COP1: variants seen among roughly 807,000 people sequenced by gnomAD.
COP1 encodes E3 ubiquitin-protein ligase COP1.
In COP1, 24 loss-of-function variants were observed where a neutral mutation model predicts 101.3. The observed-to-expected ratio is 0.24, with a 90% CI of 0.17 to 0.33. The LOEUF (loss-of-function observed/expected upper bound fraction) is 0.33. COP1 is among the 10% of genes least tolerant of loss of function. The pLI, the probability that COP1 is intolerant of heterozygous loss-of-function variation, is 1.00. For synonymous variants in COP1, 347 were observed against 341.9 expected (o/e 1.01, Z -0.17); for missense variants, 663 against 906.2 (o/e 0.73, Z 3.45).
At chr1:176,122,860 C>A (rs1462389291) in intron 8 of COP1, among the ~76,000 whole-genome samples, 2 of 152,100 alleles carry the variant, frequency 1.3e-5, no homozygotes, top group Admixed American at 6.5e-5. Context: ...GGGAAAATTT[C>A]TAAAAGATGG....
intron 3 of COP1, among the ~76,000 whole-genome samples, chr1:176,169,252 C>A (rs111491780): frequency 3.9e-5 from 6 of 152,070 alleles, no homozygotes; most frequent in African/African-American, 1.4e-4. Flanking sequence ...AGAAGGATAC[C>A]ACACACCTTG....
chr1:176,184,704 A>T lies in COP1; in HGVS notation c.408-12T>A. The T allele has an allele frequency of 6.3e-7, 1 of 1,591,710 alleles. No individual in the cohort carries two copies. Among genetic ancestry groups the T allele is most frequent in the Non-Finnish European group, 8.6e-7 (1 of 1,167,828 alleles). On this transcript the variant is annotated splice_polypyrimidine_tract_variant and intron_variant, in intron 1 of 19. Coordinates refer to ENST00000367669, the MANE Select transcript of COP1 (RefSeq NM_022457.7). Reference sequence around the variant, plus strand: ...CAAAGCAGATGGGGCTAAAAAGAAAAGAAAAATAATTGATTTTTTTTTAAA... The same window carrying T: ...CAAAGCAGATGGGGCTAAAAAGAAATGAAAAATAATTGATTTTTTTTTAAA...
At chr1:176,155,116 A>T (rs1693245373) in intron 5 of COP1, among the ~76,000 whole-genome samples, 1 of 151,792 alleles carries the variant, frequency 6.6e-6, no homozygotes, top group Non-Finnish European at 1.5e-5. Context: ...CATTTCAGTT[A>T]AAAAAAATTA....
At chr1:176,128,199 C>G (rs149208922) in intron 8 of COP1, among the ~76,000 whole-genome samples, 3 of 152,032 alleles carry the variant, frequency 2.0e-5, no homozygotes, top group Admixed American at 6.6e-5. Flanking sequence ...GTTTTATACA[C>G]GCTGGCTCAA....
intron 10 of COP1, among the ~76,000 whole-genome samples, chr1:176,085,315 TC>T (rs535364181): frequency 1.2e-3 from 181 of 152,212 alleles, no homozygotes; most frequent in Admixed American, 2.6e-3. Context: ...CTCATGATAC[TC>T]CTGTAAACTT....
intron 18 of COP1, among the ~76,000 whole-genome samples, chr1:175,972,509 G>A (rs1398461594): frequency 6.9e-6 from 1 of 145,238 alleles, no homozygotes; most frequent in Non-Finnish European, 1.5e-5. Context: ...TGTGTTGCCA[G>A]AATGGAGTGC....
chr1:176,095,174 A>C (rs960918336), intron 9 of COP1, among the ~76,000 whole-genome samples: 7 of 152,226 alleles, frequency 4.6e-5, no homozygotes, highest in Non-Finnish European at 1.0e-4. Flanking sequence ...AGTTCAAGGA[A>C]TACATACAAA....
At chr1:176,198,929 C>T (rs542723457) in intron 1 of COP1, among the ~76,000 whole-genome samples, 1 of 152,226 alleles carries the variant, frequency 6.6e-6, no homozygotes, top group South Asian at 2.1e-4. Context: ...AAACACTGAG[C>T]ACTGGCAAGG....
chr1:176,152,896 C>T (rs1299481876), intron 5 of COP1, among the ~76,000 whole-genome samples: 1 of 152,114 alleles, frequency 6.6e-6, no homozygotes, highest in Non-Finnish European at 1.5e-5. Context: ...AATAATTTTT[C>T]TCTAGAACAC....
At chr1:175,979,010 A>G (rs1182949828) in intron 18 of COP1, among the ~76,000 whole-genome samples, 1 of 152,162 alleles carries the variant, frequency 6.6e-6, no homozygotes, top group Non-Finnish European at 1.5e-5. Flanking sequence ...TTAGGTATTC[A>G]TAATTATAAC....
intron 9 of COP1, among the ~76,000 whole-genome samples, chr1:176,095,650 G>A (rs1267284110): frequency 6.7e-6 from 1 of 150,000 alleles, no homozygotes; most frequent in East Asian, 2.0e-4. Context: ...CAGCACTCCC[G>A]CCTGGGTGAG....
chr1:176,047,563 T>A (rs1381374285), intron 11 of COP1, among the ~76,000 whole-genome samples: 2 of 152,250 alleles, frequency 1.3e-5, no homozygotes, highest in Non-Finnish European at 2.9e-5. Context: ...TGTGTATGAA[T>A]GTATCTTCAA....
In COP1 at chr1:176,113,047, T is replaced by A. The variant is rs144461120; in HGVS notation, c.1026+3577A>T. Among the ~76,000 whole-genome samples the A allele has an allele frequency of 2.6e-3, 398 of 152,262 alleles. 3 individuals are homozygous for A. Among genetic ancestry groups the A allele is most frequent in the African/African-American group, 9.1e-3 (380 of 41,556 alleles). ...ACATGGGAGTGCAGGTATCTCTTCCTTTCTTTTGGATATATAGCCAGCAGT... is the reference window on the plus strand; with the variant it reads ...ACATGGGAGTGCAGGTATCTCTTCCATTCTTTTGGATATATAGCCAGCAGT... On this transcript the variant is annotated intron_variant, in intron 9 of 19. Coordinates refer to ENST00000367669, the MANE Select transcript of COP1 (RefSeq NM_022457.7).
At chr1:176,058,373 CTG>C (rs1674190466) in intron 11 of COP1, among the ~76,000 whole-genome samples, 1 of 152,154 alleles carries the variant, frequency 6.6e-6, no homozygotes, top group South Asian at 2.1e-4. Flanking sequence ...GTTGCTGTGT[CTG>C]TGTAGAAAGA....
intron 3 of COP1, among the ~76,000 whole-genome samples, chr1:176,166,624 T>C (rs1320363646): frequency 1.3e-5 from 2 of 152,226 alleles, no homozygotes; most frequent in Non-Finnish European, 2.9e-5. Flanking sequence ...AAAAAATGGT[T>C]ATTTTTTTCT....
At chr1:176,158,784 C>T (rs747826759) in intron 5 of COP1, among the ~76,000 whole-genome samples, 21 of 151,568 alleles carry the variant, frequency 1.4e-4, no homozygotes, top group Non-Finnish European at 3.1e-4. Context: ...GGACTATAGG[C>T]GCACACCGCC....
At chr1:176,177,721 T>C in intron 2 of COP1, among the ~76,000 whole-genome samples, 1 of 152,162 alleles carries the variant, frequency 6.6e-6, no homozygotes, top group East Asian at 1.9e-4. Flanking sequence ...TTGAGCTTTG[T>C]AAACTGAGTT....
intron 8 of COP1, among the ~76,000 whole-genome samples, chr1:176,124,111 T>A (rs1357006331): frequency 6.6e-6 from 1 of 152,170 alleles, no homozygotes; most frequent in Non-Finnish European, 1.5e-5. Context: ...TCTTTTTAAT[T>A]TTTTTAAATT....
intron 5 of COP1, among the ~76,000 whole-genome samples, chr1:176,154,956 G>C (rs984218910): frequency 1.3e-5 from 2 of 151,828 alleles, no homozygotes; most frequent in African/African-American, 2.4e-5. Flanking sequence ...AAGATTATTA[G>C]ACATAAAGAA....
Sources: allele counts gnomAD v4.1 joint callset (sites outside exome capture counted in the v4.1 genomes callset), GRCh38; gene constraint gnomAD v4.1.1; transcripts MANE v1.5; gene names NCBI Gene and HGNC (gene_info 2026-07-23, HGNC 2026-07-21).